CTNNBIP1: variants seen among roughly 807,000 people sequenced by gnomAD.
CTNNBIP1 encodes beta-catenin-interacting protein 1.
Under a neutral mutation model 11.8 loss-of-function variants are expected in CTNNBIP1, and 7 were observed. The ratio of observed to expected loss-of-function variants is 0.60; its 90% CI spans 0.34 to 1.12. The LOEUF (loss-of-function observed/expected upper bound fraction) is 1.12. Ranked by LOEUF, CTNNBIP1 falls within the 50% of genes most tolerant of loss-of-function variation. The pLI is 0.03. For missense variants in CTNNBIP1, 101 were observed against 113.4 expected (o/e 0.89, Z 0.50); for synonymous variants, 58 against 43.9 (o/e 1.32, Z -1.26).
At chr1:9,891,684 G>C (rs1308948655) in intron 1 of CTNNBIP1, among the ~76,000 whole-genome samples, 3 of 151,580 alleles carry the variant, frequency 2.0e-5, no homozygotes, top group African/African-American at 7.3e-5. Context: ...GCAAATGCCT[G>C]TAATCCCAGC....
At position 9,866,142 on chromosome 1, in the gene CTNNBIP1, A is replaced by G. The variant is rs575677129; in HGVS notation, c.187+5045T>C. 7.7e-4 allele frequency among the ~76,000 whole-genome samples: 117 copies of G among 152,320 alleles called. 1 individual carries two copies. Among genetic ancestry groups the G allele is most frequent in the Admixed American group, 4.8e-3 (74 of 15,290 alleles). On this transcript the variant is annotated intron_variant, in intron 5 of 5. Coordinates refer to ENST00000377263, the MANE Select transcript of CTNNBIP1 (RefSeq NM_020248.3). ...AGCTCAGAGCCCGGTCAATAGATGG[A>G]TTAGGAGACAGTGTGGGTGTAGCAC...
chr1:9,866,610 G>A (rs539324600), intron 5 of CTNNBIP1, among the ~76,000 whole-genome samples: 5 of 151,840 alleles, frequency 3.3e-5, no homozygotes, highest in East Asian at 3.9e-4. Context: ...AACTGGGAAG[G>A]TGGGGGCTGC....
chr1:9,854,100 T>G (rs1215594894), intron 5 of CTNNBIP1, among the ~76,000 whole-genome samples: 1 of 152,082 alleles, frequency 6.6e-6, no homozygotes, highest in African/African-American at 2.4e-5. Context: ...CAAGGCCAGG[T>G]GCAGTGGCTC....
At chr1:9,879,954 T>C (rs1639048172) in intron 2 of CTNNBIP1, among the ~76,000 whole-genome samples, 1 of 152,220 alleles carries the variant, frequency 6.6e-6, no homozygotes. Flanking sequence ...ATATTTGCCA[T>C]TTTAAAAATA....
At chr1:9,877,715 A>T (rs1639000506) in intron 3 of CTNNBIP1, among the ~76,000 whole-genome samples, 190 bp downstream of exon 3, 1 of 152,154 alleles carries the variant, frequency 6.6e-6, no homozygotes, top group Non-Finnish European at 1.5e-5. Context: ...AGAAATCAGC[A>T]GCACCCTAAC....
chr1:9,866,299 C>T (rs974196546), intron 5 of CTNNBIP1, among the ~76,000 whole-genome samples: 9 of 152,196 alleles, frequency 5.9e-5, no homozygotes, highest in African/African-American at 2.2e-4. Context: ...TGAACATGGC[C>T]ATTCACTATG....
intron 1 of CTNNBIP1, among the ~76,000 whole-genome samples, chr1:9,908,750 C>T (rs1050702697): frequency 1.3e-5 from 2 of 152,192 alleles, no homozygotes; most frequent in African/African-American, 2.4e-5. Flanking sequence ...TGTTTACTCA[C>T]TTATTGTCTG....
At chr1:9,857,383 C>T (rs1283994289) in intron 5 of CTNNBIP1, among the ~76,000 whole-genome samples, 6 of 149,734 alleles carry the variant, frequency 4.0e-5, no homozygotes, top group Admixed American at 2.7e-4. Flanking sequence ...CTGTTGTACT[C>T]GGGAGGCTGA....
chr1:9,906,164 C>T (rs1434236340), intron 1 of CTNNBIP1, among the ~76,000 whole-genome samples: 1 of 152,188 alleles, frequency 6.6e-6, no homozygotes, highest in African/African-American at 2.4e-5. Flanking sequence ...AACTGAGACA[C>T]AGAGAGATTA....
chr1:9,904,287 T>C (rs1426003736), intron 1 of CTNNBIP1, among the ~76,000 whole-genome samples: 4 of 151,812 alleles, frequency 2.6e-5, no homozygotes, highest in African/African-American at 4.9e-5. Context: ...CTAACTTGTG[T>C]TGGTCTCTCC....
chr1:9,865,739 T>C (rs534308852), intron 5 of CTNNBIP1, among the ~76,000 whole-genome samples: 2 of 152,338 alleles, frequency 1.3e-5, no homozygotes, highest in South Asian at 2.1e-4. Context: ...TAAGAGTGAT[T>C]ACAGCTATGC....
rs1179299130 is a variant in CTNNBIP1 at position 9,851,821 on chromosome 1, C to T, written c.188-1045G>A. Among the ~76,000 whole-genome samples the T allele has an allele frequency of 1.3e-5, 2 of 152,200 alleles. No homozygotes were observed. Among genetic ancestry groups the T allele is most frequent in the African/African-American group, 4.8e-5 (2 of 41,454 alleles). Reference sequence around the variant, plus strand: ...CAAAGCTCGAAATGCTGACCTGCCACCCACACCCACAACTGCCTGGGGAGT... The same window carrying T: ...CAAAGCTCGAAATGCTGACCTGCCATCCACACCCACAACTGCCTGGGGAGT... On this transcript the variant is annotated intron_variant, in intron 5 of 5. Transcript: ENST00000377263. The surrounding 1 kb of genome is among the most constrained non-coding windows in gnomAD (Gnocchi z 4.8).
chr1:9,902,402 G>GTT (rs1442219968), intron 1 of CTNNBIP1, among the ~76,000 whole-genome samples: 2 of 152,208 alleles, frequency 1.3e-5, no homozygotes, highest in Non-Finnish European at 2.9e-5. Flanking sequence ...TGAAACTCAA[G>GTT]TTAACAGTCA....
intron 1 of CTNNBIP1, among the ~76,000 whole-genome samples, chr1:9,903,584 C>T (rs943845754): frequency 1.3e-5 from 2 of 152,180 alleles, no homozygotes; most frequent in Admixed American, 6.5e-5. Context: ...GTAGTTGGTG[C>T]TCAGTTCCCT....
intron 1 of CTNNBIP1, among the ~76,000 whole-genome samples, chr1:9,892,338 C>T (rs547344712): frequency 1.5e-4 from 22 of 151,024 alleles, no homozygotes; most frequent in African/African-American, 4.6e-4. Context: ...AGGAGAATGG[C>T]GTGAACCCGG....
chr1:9,888,013 G>A (rs919735390), intron 1 of CTNNBIP1, among the ~76,000 whole-genome samples: 3 of 151,786 alleles, frequency 2.0e-5, no homozygotes, highest in Admixed American at 6.5e-5. Context: ...TAGTAAAGAC[G>A]GGGTTTCACC....
chr1:9,859,827 G>T (rs1441894788), intron 5 of CTNNBIP1, among the ~76,000 whole-genome samples: 1 of 152,188 alleles, frequency 6.6e-6, no homozygotes, highest in African/African-American at 2.4e-5. Flanking sequence ...TGCAAACTTG[G>T]AAACAGGCTG....
rs542863699 is a variant in CTNNBIP1 at position 9,891,536 on chromosome 1, C to T, written c.-143-7798G>A. 2.3e-4 allele frequency among the ~76,000 whole-genome samples: 35 copies of T among 152,254 alleles called. No individual in the cohort carries two copies. The East Asian group carries it at 2.9e-3, about 13-fold the overall frequency. On this transcript the variant is annotated intron_variant, in intron 1 of 5. Transcript: ENST00000377263. Reference sequence around the variant, plus strand: ...TGGATCGGCTGCAGGACTGTGCCCCCGGAAGCAGCCCCCTCCTCACCACCC... The same window carrying T: ...TGGATCGGCTGCAGGACTGTGCCCCTGGAAGCAGCCCCCTCCTCACCACCC...
intron 1 of CTNNBIP1, among the ~76,000 whole-genome samples, chr1:9,885,916 G>A (rs1639179485): frequency 6.8e-6 from 1 of 147,124 alleles, no homozygotes; most frequent in South Asian, 2.1e-4. Context: ...TGGGCAACAA[G>A]AGTGAAACTC....
Sources: gnomAD v4.1 joint callset for allele counts (sites outside exome capture counted in the v4.1 genomes callset) on GRCh38, gnomAD v4.1.1 for gene constraint, Gnocchi (gnomAD v3.1) non-coding constraint, MANE v1.5 for transcripts, NCBI Gene and HGNC (gene_info 2026-07-23, HGNC 2026-07-21) for gene names.